Variants in NRG2 observed in about 807,000 individuals in gnomAD.
The protein encoded by NRG2 is neuregulin 2, also known as pro-neuregulin-2, membrane-bound isoform.
A neutral mutation model predicts 73.9 loss-of-function variants in NRG2; 27 were observed. The ratio of observed to expected loss-of-function variants is 0.37; its 90% CI spans 0.27 to 0.50. NRG2 has a LOEUF of 0.50. NRG2 is among the 20% of genes least tolerant of loss of function. NRG2 has a pLI of 0.96. For synonymous variants in NRG2, 532 were observed against 541.0 expected, an observed-to-expected ratio of 0.98 and a Z score of 0.23; for missense variants, 1,126 against 1,210.1, an observed-to-expected ratio of 0.93 and a Z score of 1.03.
intron 1 of NRG2, among the ~76,000 whole-genome samples, chr5:139,931,304 C>T (rs1395442399): frequency 2.0e-5 from 3 of 152,166 alleles, no homozygotes; most frequent in Non-Finnish European, 4.4e-5. Flanking sequence ...TAGCAAACAA[C>T]AGGACATGGT....
intron 2 of NRG2, among the ~76,000 whole-genome samples, chr5:139,884,935 G>T (rs1265023599): frequency 6.6e-6 from 1 of 151,976 alleles, no homozygotes; most frequent in African/African-American, 2.4e-5. Context: ...GACCCCCTGG[G>T]CAGACGACAA....
intron 1 of NRG2, among the ~76,000 whole-genome samples, chr5:139,989,776 AT>A (rs956178570): frequency 5.5e-5 from 8 of 145,748 alleles, no homozygotes; most frequent in Non-Finnish European, 7.5e-5. Context: ...TATTATTATT[AT>A]TTATTTTATT....
intron 1 of NRG2, among the ~76,000 whole-genome samples, chr5:139,905,184 G>C (rs1765150543): frequency 6.6e-6 from 1 of 152,174 alleles, no homozygotes; most frequent in African/African-American, 2.4e-5. Context: ...TCTCTGCAAG[G>C]CCTGCGGAGG....
At chr5:139,925,662 G>A (rs1751996591) in intron 1 of NRG2, among the ~76,000 whole-genome samples, 1 of 152,242 alleles carries the variant, frequency 6.6e-6, no homozygotes, top group Non-Finnish European at 1.5e-5. Flanking sequence ...TGAGCCAACT[G>A]AGAGAGGGGA....
At chr5:139,976,573 C>T (rs1756400262) in intron 1 of NRG2, among the ~76,000 whole-genome samples, 2 of 152,174 alleles carry the variant, frequency 1.3e-5, no homozygotes, top group Non-Finnish European at 2.9e-5. Context: ...CCCAATTTTC[C>T]CACTGGTAGC....
intron 1 of NRG2, among the ~76,000 whole-genome samples, chr5:140,023,887 T>C (rs1480321393): frequency 6.6e-6 from 1 of 152,170 alleles, no homozygotes; most frequent in Non-Finnish European, 1.5e-5. Flanking sequence ...GTAGCAAAAT[T>C]GGTTTCTCGG....
chr5:139,956,782 A>G (rs1754657503), intron 1 of NRG2, among the ~76,000 whole-genome samples: 1 of 152,200 alleles, frequency 6.6e-6, no homozygotes. Context: ...AAGAAATGGA[A>G]AGGCACTGTA....
intron 1 of NRG2, among the ~76,000 whole-genome samples, chr5:139,973,807 C>T (rs757922437): frequency 6.6e-6 from 1 of 152,128 alleles, no homozygotes; most frequent in Non-Finnish European, 1.5e-5. Context: ...AGACAGCTGT[C>T]GTGATTGCCC....
chr5:139,912,597 C>T lies in NRG2; in HGVS notation c.701-25086G>A, dbSNP rs146761566. Among the ~76,000 whole-genome samples, 534 of 152,294 alleles carry T rather than the reference C, an allele frequency of 3.5e-3. 3 individuals are homozygous for T. Among genetic ancestry groups the T allele is most frequent in the African/African-American group, 0.013 (523 of 41,566 alleles). On this transcript the variant is annotated intron_variant, in intron 1 of 9. Coordinates refer to ENST00000361474, the MANE Select transcript of NRG2 (RefSeq NM_004883.3). ...TCATCCATTCTTTCTCCTCAGAGCA[C>T]CCATTTAGAGCTTATGAAAGTTCCA...
intron 9 of NRG2, among the ~76,000 whole-genome samples, chr5:139,849,529 G>T (rs143171445): frequency 6.6e-6 from 1 of 152,032 alleles, no homozygotes; most frequent in East Asian, 1.9e-4. Flanking sequence ...TGGATCCCGG[G>T]TACCTGTCCC....
intron 1 of NRG2, among the ~76,000 whole-genome samples, chr5:139,989,646 T>C (rs1268816745): frequency 6.6e-6 from 1 of 151,940 alleles, no homozygotes; most frequent in Non-Finnish European, 1.5e-5. Flanking sequence ...CGCATGTTGT[T>C]GCATGTCACC....
chr5:139,957,744 A>T (rs1420538141), intron 1 of NRG2, among the ~76,000 whole-genome samples: 1 of 152,216 alleles, frequency 6.6e-6, no homozygotes, highest in Non-Finnish European at 1.5e-5. Flanking sequence ...TTTCTCTTCC[A>T]TGTTAGCACT....
chr5:139,862,512 C>A (rs753518485), intron 5 of NRG2, among the ~76,000 whole-genome samples: 6 of 152,242 alleles, frequency 3.9e-5, no homozygotes, highest in Non-Finnish European at 5.9e-5. Flanking sequence ...GCATGTTGAC[C>A]AGTAACCATG....
rs542800997 is a variant in NRG2, at chr5:139,918,307, G to A, written c.701-30796C>T. Among the ~76,000 whole-genome samples the A allele has an allele frequency of 5.9e-5, 9 of 152,266 alleles. No individual in the cohort carries two copies. The South Asian group carries it at 1.7e-3, about 28-fold the overall frequency. ...TATCAAGAATTGAGATAAAAGGATG[G>A]ATGAGAAGTACAGGGATAAAGGAAA... On this transcript the variant is annotated intron_variant, in intron 1 of 9. Coordinates refer to ENST00000361474, the MANE Select transcript of NRG2 (RefSeq NM_004883.3).
intron 1 of NRG2, among the ~76,000 whole-genome samples, chr5:139,943,458 T>C (rs1753557906): frequency 1.3e-5 from 2 of 152,302 alleles, no homozygotes; most frequent in East Asian, 3.9e-4. Context: ...CCACTTTTGA[T>C]TTTTGTGAAG....
intron 3 of NRG2, among the ~76,000 whole-genome samples, chr5:139,872,494 C>G (rs1337406985): frequency 6.6e-6 from 1 of 152,184 alleles, no homozygotes; most frequent in Non-Finnish European, 1.5e-5. Flanking sequence ...CCATAAGCAT[C>G]TGGGGTCTTC....
chr5:139,989,998 C>T lies in NRG2; in HGVS notation c.700+52372G>A, dbSNP rs954850754. On this transcript the variant is annotated intron_variant, in intron 1 of 9. Transcript: ENST00000361474. ...AGAGACGGGGTTTCACCATGTTAGC[C>T]AGGATGGTCTTGATCTCCTGACCTT... 4.6e-5 allele frequency among the ~76,000 whole-genome samples: 7 copies of T among 151,484 alleles called. No homozygotes were observed. The South Asian group carries it at 1.0e-3, about 22-fold the overall frequency.
At position 139,848,511 on chromosome 5, in the gene NRG2, G is replaced by T; in HGVS notation, c.1959C>A (p.Pro653=). ...EQQPLLRHPA[P]PGPGPGPGPG... ...GCCCGGGTCCGGGTCCCGGGCCGGGGGGCGCCGGGTGCCGCAGTAACGGCT... is the reference window on the plus strand; with the variant it reads ...GCCCGGGTCCGGGTCCCGGGCCGGGTGGCGCCGGGTGCCGCAGTAACGGCT... The change falls in exon 10 of 10, where the codon CCC becomes CCA. Residue 653 remains proline, a synonymous_variant. Coordinates refer to ENST00000361474, the MANE Select transcript of NRG2 (RefSeq NM_004883.3). 1 of 1,383,942 alleles carries T rather than the reference G, an allele frequency of 7.2e-7. No individual in the cohort carries two copies. Among genetic ancestry groups the T allele is most frequent in the Non-Finnish European group, 9.2e-7 (1 of 1,081,404 alleles). 85.7% of individuals were successfully genotyped at this position (1,383,942 alleles called of 1,614,324 possible). A position where few individuals can be genotyped will look rare whatever the true frequency, so the allele number is the denominator to read the frequency against.
intron 2 of NRG2, among the ~76,000 whole-genome samples, chr5:139,886,080 C>T (rs1194890853): frequency 6.6e-6 from 1 of 152,200 alleles, no homozygotes; most frequent in African/African-American, 2.4e-5. Flanking sequence ...CCACTCGCCA[C>T]TGGCCATGGC....
Sources: allele counts gnomAD v4.1 joint callset (sites outside exome capture counted in the v4.1 genomes callset), GRCh38; gene constraint gnomAD v4.1.1; transcripts MANE v1.5; gene names NCBI Gene and HGNC (gene_info 2026-07-23, HGNC 2026-07-21).